Variants in SPECC1 observed in about 807,000 individuals in gnomAD.
SPECC1 encodes cytospin-B.
In SPECC1, 62 loss-of-function variants were observed where a neutral mutation model predicts 104.1. The ratio of observed to expected loss-of-function variants is 0.60; its 90% confidence interval spans 0.49 to 0.74. The LOEUF is 0.74. SPECC1 is among the 30% of genes least tolerant of loss of function. SPECC1 has a pLI of 0.00. For missense variants in SPECC1, 1,306 were observed against 1,310.5 expected, an observed-to-expected ratio of 1.00 and a Z score of 0.05; for synonymous variants, 513 against 501.6, an observed-to-expected ratio of 1.02 and a Z score of -0.30.
At chr17:20,115,242 A>G (rs1210812254) in intron 3 of SPECC1, among the ~76,000 whole-genome samples, 2 of 152,340 alleles carry the variant, frequency 1.3e-5, no homozygotes, top group East Asian at 1.9e-4. Context: ...TGGGAGGCCA[A>G]GGTGGGTGGA....
chr17:20,211,001 T>A (rs1476893812), intron 4 of SPECC1, among the ~76,000 whole-genome samples: 25 of 152,212 alleles, frequency 1.6e-4, no homozygotes, highest in Admixed American at 1.6e-3. Flanking sequence ...GGCATTCAGC[T>A]CTGCGGGGCC....
intron 12 of SPECC1, among the ~76,000 whole-genome samples, chr17:20,261,744 C>A (rs2040033542): frequency 6.6e-6 from 1 of 152,146 alleles, no homozygotes; most frequent in African/African-American, 2.4e-5. Flanking sequence ...CTGTGAATAT[C>A]AGAAAAGGGA....
At chr17:20,178,547 C>T (rs2034637245) in intron 3 of SPECC1, among the ~76,000 whole-genome samples, 1 of 152,074 alleles carries the variant, frequency 6.6e-6, no homozygotes, top group African/African-American at 2.4e-5. Context: ...AAGCATTAAC[C>T]AGAAAAATAA....
intron 1 of SPECC1, among the ~76,000 whole-genome samples, chr17:20,085,375 T>C (rs1460718887): frequency 6.6e-6 from 1 of 152,212 alleles, no homozygotes; most frequent in Non-Finnish European, 1.5e-5. Context: ...GAAGTGCTGT[T>C]ACATAACCGT....
chr17:20,068,582 T>C (rs999327119), intron 1 of SPECC1, among the ~76,000 whole-genome samples: 3 of 152,224 alleles, frequency 2.0e-5, no homozygotes, highest in Non-Finnish European at 4.4e-5. Flanking sequence ...ACAGTGGCTG[T>C]ACTTTTTCAC....
intron 1 of SPECC1, among the ~76,000 whole-genome samples, chr17:20,073,147 A>G (rs1445551408): frequency 6.6e-6 from 1 of 152,142 alleles, no homozygotes; most frequent in Admixed American, 6.5e-5. Context: ...AGATCCCTTT[A>G]GTTGGCTCAC....
chr17:20,160,040 T>TCC (rs2032994151), intron 3 of SPECC1, among the ~76,000 whole-genome samples: 1 of 152,198 alleles, frequency 6.6e-6, no homozygotes, highest in Non-Finnish European at 1.5e-5. Flanking sequence ...TTTTCCCTAG[T>TCC]CCCAGTACCA....
chr17:20,268,641 T>C (rs1382593054), intron 12 of SPECC1, among the ~76,000 whole-genome samples: 2 of 152,238 alleles, frequency 1.3e-5, no homozygotes, highest in Non-Finnish European at 2.9e-5. Context: ...TATTGAGGCC[T>C]TTTCTACCCA....
intron 2 of SPECC1, among the ~76,000 whole-genome samples, chr17:20,098,442 A>G (rs1404555166): frequency 6.6e-6 from 1 of 152,096 alleles, no homozygotes; most frequent in Non-Finnish European, 1.5e-5. Flanking sequence ...GGAACACCTG[A>G]GTCATGTCAC....
chr17:20,219,238 A>G (rs1291638637), intron 4 of SPECC1, among the ~76,000 whole-genome samples: 2 of 152,152 alleles, frequency 1.3e-5, no homozygotes, highest in East Asian at 3.9e-4. Context: ...ACTGTTTTCC[A>G]TAGTGGCTGT....
At chr17:20,137,194 A>G (rs1461891310) in intron 3 of SPECC1, among the ~76,000 whole-genome samples, 2 of 152,232 alleles carry the variant, frequency 1.3e-5, no homozygotes, top group South Asian at 2.1e-4. Flanking sequence ...TCCTGAGCAC[A>G]TCAAGAACGC....
At chr17:20,270,475 C>T (rs1045221093) in intron 12 of SPECC1, among the ~76,000 whole-genome samples, 3 of 141,532 alleles carry the variant, frequency 2.1e-5, no homozygotes, top group Non-Finnish European at 3.0e-5. Context: ...AAACATTAGC[C>T]GGCTACGATG....
At chr17:20,058,133 A>G (rs1355432550) in intron 1 of SPECC1, among the ~76,000 whole-genome samples, 2 of 152,242 alleles carry the variant, frequency 1.3e-5, no homozygotes, top group Non-Finnish European at 2.9e-5. Context: ...ACCTGAGATC[A>G]CAGAAATGGT....
At chr17:20,286,906 C>T (rs2040966692) in intron 12 of SPECC1, among the ~76,000 whole-genome samples, 1 of 152,336 alleles carries the variant, frequency 6.6e-6, no homozygotes, top group African/African-American at 2.4e-5. Flanking sequence ...CCAACCCCCA[C>T]GAACTGGCCC....
intron 1 of SPECC1, among the ~76,000 whole-genome samples, chr17:20,039,804 G>A (rs968004780): frequency 6.6e-6 from 1 of 152,140 alleles, no homozygotes; most frequent in East Asian, 1.9e-4. Context: ...TGATCCACCC[G>A]CCTTGGCCTC....
chr17:20,024,664 G>A (rs369124360), intron 1 of SPECC1, among the ~76,000 whole-genome samples: 1 of 152,314 alleles, frequency 6.6e-6, no homozygotes, highest in South Asian at 2.1e-4. Flanking sequence ...AAGGTGGGAG[G>A]AAGGGAGAAG....
intron 3 of SPECC1, chr17:20,111,911 G>A: frequency 2.5e-6 from 2 of 788,756 alleles, no homozygotes; most frequent in Non-Finnish European, 4.7e-6. Context: ...TTTGCTTTCT[G>A]TGGCCAGTGG....
intron 3 of SPECC1, among the ~76,000 whole-genome samples, chr17:20,154,742 T>C (rs1477343779): frequency 6.6e-6 from 1 of 152,116 alleles, no homozygotes; most frequent in East Asian, 1.9e-4. Flanking sequence ...GAAGTGAGAC[T>C]GGTTAGGAGG....
At chr17:20,184,699 C>T (rs942247819) in intron 3 of SPECC1, among the ~76,000 whole-genome samples, 20 of 152,086 alleles carry the variant, frequency 1.3e-4, no homozygotes, top group Non-Finnish European at 2.6e-4. Flanking sequence ...TATTTGGTAC[C>T]GTAGAAGTTC....
Sources: gnomAD v4.1 joint callset for allele counts (sites outside exome capture counted in the v4.1 genomes callset) on GRCh38, gnomAD v4.1.1 for gene constraint, MANE v1.5 for transcripts, NCBI Gene and HGNC (gene_info 2026-07-23, HGNC 2026-07-21) for gene names.